MMD2: variants seen among roughly 807,000 people sequenced by gnomAD.
MMD2 encodes monocyte to macrophage differentiation associated 2.
A neutral mutation model predicts 33.5 loss-of-function variants in MMD2; 30 were observed. The ratio of observed to expected loss-of-function variants is 0.90; its 90% CI spans 0.67 to 1.22. The LOEUF is 1.22. MMD2 is among the 50% of genes most tolerant of loss of function. MMD2 has a pLI of 0.00. For missense variants in MMD2, 364 were observed against 325.4 expected, an observed-to-expected ratio of 1.12 and a Z score of -0.91; for synonymous variants, 129 against 123.0, an observed-to-expected ratio of 1.05 and a Z score of -0.32.
chr7:4,911,300 G>A (rs545736645), intron 4 of MMD2, 54 bp from the exon 5 acceptor site: 127 of 1,413,906 alleles, frequency 9.0e-5, no homozygotes, highest in South Asian at 6.4e-4. Flanking sequence ...CCAGGACCCC[G>A]GCCCTCGAGG....
chr7:4,917,343 A>G (rs1470013815), intron 3 of MMD2, among the ~76,000 whole-genome samples: 1 of 152,114 alleles, frequency 6.6e-6, no homozygotes, highest in Non-Finnish European at 1.5e-5. Flanking sequence ...TACCCAGCAC[A>G]GTACATAGTA....
At chr7:4,947,175 T>C (rs185922163) in intron 1 of MMD2, among the ~76,000 whole-genome samples, 92 of 151,760 alleles carry the variant, frequency 6.1e-4, no homozygotes, top group Non-Finnish European at 1.1e-3. Context: ...GCCACTGCAC[T>C]CCAGCCTGGG....
chr7:4,894,127 G>A, the MMD2 span, among the ~76,000 whole-genome samples: 14 of 152,120 alleles, frequency 9.2e-5, no homozygotes, highest in South Asian at 2.1e-4. This position sits in a 1 kb window ranked among gnomAD's most constrained non-coding sequence, Gnocchi z 4.3. Context: ...TGGTTCAAAC[G>A]CCTCTGACCA....
the MMD2 span, among the ~76,000 whole-genome samples, chr7:4,893,415 A>C: frequency 1.5e-5 from 2 of 135,662 alleles, no homozygotes; most frequent in Admixed American, 7.2e-5. Flanking sequence ...TTTTTGAGAC[A>C]GAGTCTAGCA....
intron 1 of MMD2, among the ~76,000 whole-genome samples, chr7:4,941,942 G>A (rs1785923157): frequency 6.6e-6 from 1 of 151,594 alleles, no homozygotes; most frequent in Admixed American, 6.6e-5. Flanking sequence ...TGGTGCTGGT[G>A]GGAGGTCATT....
rs1349040887 is a variant in MMD2 at position 4,948,901 on chromosome 7, T to C, written c.47+10070A>G. On this transcript the variant is annotated intron_variant, in intron 1 of 6. Transcript: ENST00000401401. Reference sequence around the variant, plus strand: ...AGTCACGGCTCACACAGCCTCCATCTCCCAAGCTCAGGTGATCCTCCCACC... The same window carrying C: ...AGTCACGGCTCACACAGCCTCCATCCCCCAAGCTCAGGTGATCCTCCCACC... 2.6e-5 allele frequency among the ~76,000 whole-genome samples: 4 copies of C among 152,292 alleles called. 1 individual carries two copies. The East Asian group carries it at 5.8e-4, about 22-fold the overall frequency.
At chr7:4,947,398 CTTT>C (rs34054867) in intron 1 of MMD2, among the ~76,000 whole-genome samples, 1 of 143,526 alleles carries the variant, frequency 7.0e-6, no homozygotes, top group Admixed American at 7.1e-5. Context: ...GTGCTATGCA[CTTT>C]TTTTTTTTTT....
intron 4 of MMD2, among the ~76,000 whole-genome samples, chr7:4,913,196 A>C (rs1006533652): frequency 6.6e-6 from 1 of 152,210 alleles, no homozygotes; most frequent in African/African-American, 2.4e-5. Flanking sequence ...AGACCTAAAA[A>C]TAGGTCACTG....
rs531333211 is a variant in MMD2, at chr7:4,936,737, T to C, written c.48-11205A>G. On this transcript the variant is annotated intron_variant, in intron 1 of 6. Transcript: ENST00000401401. ...ACAGGAAATGTTTGCCACAGAATAT[T>C]TTATTTTATTTTTTTGAGACAAAGT... Among the ~76,000 whole-genome samples, 10 of 151,800 alleles carry C rather than the reference T, an allele frequency of 6.6e-5. No homozygotes were observed. The East Asian group carries it at 1.8e-3, about 27-fold the overall frequency.
intron 1 of MMD2, among the ~76,000 whole-genome samples, chr7:4,953,630 C>A (rs918797628): frequency 2.7e-5 from 4 of 150,766 alleles, no homozygotes; most frequent in Non-Finnish European, 4.4e-5. Context: ...GCCACCACAC[C>A]CGGCTAATTT....
chr7:4,922,554 G>A (rs1047497318), intron 2 of MMD2, among the ~76,000 whole-genome samples: 1 of 152,142 alleles, frequency 6.6e-6, no homozygotes, highest in Non-Finnish European at 1.5e-5. Context: ...CTCCAATTAT[G>A]TTTTGTGCTA....
chr7:4,950,387 T>G (rs979275107), intron 1 of MMD2, among the ~76,000 whole-genome samples: 1 of 151,952 alleles, frequency 6.6e-6, no homozygotes, highest in East Asian at 1.9e-4. Context: ...CGTGAGCCAC[T>G]GCACCCAGCC....
rs1265321301 is a variant in MMD2, at chr7:4,943,009, T to C, written c.47+15962A>G. Among the ~76,000 whole-genome samples the C allele has an allele frequency of 4.2e-3, 577 of 138,184 alleles. 1 individual carries two copies. The highest frequency in any genetic ancestry group is 0.015 in the African/African-American group (553 of 36,786). The allele number at this position is 138,184 out of a possible 152,430, so 90.7% of individuals were successfully genotyped here. A position where few individuals can be genotyped will look rare whatever the true frequency, so the allele number is the denominator to read the frequency against. ...TCAGGAGGTCCTGCCCTTTTCTTTT[T>C]TTTTTTTTTTTTTTTTTTGAGACAG... On this transcript the variant is annotated intron_variant, in intron 1 of 6. Transcript: ENST00000401401.
intron 4 of MMD2, among the ~76,000 whole-genome samples, chr7:4,915,174 G>A (rs1785108687): frequency 6.6e-6 from 1 of 151,878 alleles, no homozygotes. Flanking sequence ...GGGAGGCTGA[G>A]GTGGGAGGAT....
chr7:4,936,110 G>A lies in MMD2; in HGVS notation c.48-10578C>T, dbSNP rs141730777. ...TGAGGCAGGAAAATCACTTGAACCCGGGAGGCAGAGGTTCCTATGAGCTGA... is the reference window on the plus strand; with the variant it reads ...TGAGGCAGGAAAATCACTTGAACCCAGGAGGCAGAGGTTCCTATGAGCTGA... On this transcript the variant is annotated intron_variant, in intron 1 of 6. Coordinates refer to ENST00000401401, the MANE Select transcript of MMD2 (RefSeq NM_198403.4). Among the ~76,000 whole-genome samples the A allele has an allele frequency of 9.3e-5, 14 of 151,016 alleles. No homozygotes were observed. In the East Asian group the frequency reaches 2.3e-3, roughly 25 times the overall value.
In MMD2 at chr7:4,959,025, C is replaced by A; in HGVS notation, c.-8G>T. 7.9e-7 allele frequency: 1 copy of A among 1,265,198 alleles called. No homozygotes were observed. The highest frequency in any genetic ancestry group is 1.0e-6 in the Non-Finnish European group (1 of 997,298). 78.4% of individuals were successfully genotyped at this position (1,265,198 alleles called of 1,614,324 possible). ...CAGCCGGGGGGCGAACATCGCGGCGCTTCCATGGGAATCTGGCCCCGGGCT... is the reference window on the plus strand; with the variant it reads ...CAGCCGGGGGGCGAACATCGCGGCGATTCCATGGGAATCTGGCCCCGGGCT... On this transcript the variant is annotated 5_prime_UTR_variant, in exon 1 of 7. Coordinates refer to ENST00000401401, the MANE Select transcript of MMD2 (RefSeq NM_198403.4).
chr7:4,908,466 T>C (rs990408781), intron 6 of MMD2, among the ~76,000 whole-genome samples: 3 of 152,116 alleles, frequency 2.0e-5, no homozygotes. Context: ...TGTAAAAATG[T>C]AATACATCTG....
At chr7:4,941,290 G>A in intron 1 of MMD2, among the ~76,000 whole-genome samples, 1 of 152,196 alleles carries the variant, frequency 6.6e-6, no homozygotes, top group East Asian at 1.9e-4. Flanking sequence ...CAGGTCAGAG[G>A]CAGCCTTACT....
chr7:4,925,441 G>C lies in MMD2; in HGVS notation c.129+10C>G. 6.7e-7 allele frequency: 1 copy of C among 1,502,174 alleles called. No individual in the cohort carries two copies. Among genetic ancestry groups the C allele is most frequent in the Non-Finnish European group, 8.9e-7 (1 of 1,120,324 alleles). 93.1% of individuals were successfully genotyped at this position (1,502,174 alleles called of 1,614,324 possible). A position where few individuals can be genotyped will look rare whatever the true frequency, so the allele number is the denominator to read the frequency against. ...CATCTCAGCCCTGAGCCCCCCAAAA[G>C]CCAACTCACAGCATGGGTGGCACAG... On this transcript the variant is annotated intron_variant, in intron 2 of 6. Transcript: ENST00000401401.
Sources: gnomAD v4.1 joint callset for allele counts (sites outside exome capture counted in the v4.1 genomes callset) on GRCh38, gnomAD v4.1.1 for gene constraint, Gnocchi (gnomAD v3.1) non-coding constraint, MANE v1.5 for transcripts, NCBI Gene and HGNC (gene_info 2026-07-23, HGNC 2026-07-21) for gene names.